The following TTC17 variants were observed in gnomAD, a reference collection of about 807,000 sequenced individuals.
The protein encoded by TTC17 is tetratricopeptide repeat protein 17.
A neutral mutation model predicts 143.8 loss-of-function variants in TTC17; 58 were observed. The ratio of observed to expected loss-of-function variants is 0.40; its 90% confidence interval spans 0.33 to 0.50. TTC17 has a LOEUF of 0.50. Ranked by LOEUF, TTC17 falls within the 20% of genes least tolerant of loss-of-function variation. The pLI is 0.49. For synonymous variants in TTC17, 501 were observed against 497.8 expected (o/e 1.01, Z -0.09); for missense variants, 1,273 against 1,392.5 (o/e 0.91, Z 1.37).
At chr11:43,392,608 A>C (rs941057150) in intron 5 of TTC17, among the ~76,000 whole-genome samples, 1 of 152,194 alleles carries the variant, frequency 6.6e-6, no homozygotes, top group Admixed American at 6.5e-5. Context: ...TATTGAGAGG[A>C]ATTTTCAGAT....
In TTC17 at chr11:43,450,131, G is replaced by GAGC. The variant is rs1947628933; in HGVS notation, c.2837_2839dup (p.Glu946_Pro947insGln). ...CACCCCTATACAGCAGCCAGCAATG[G>GAGC]AGCCTCTTTGCAATGGCAATCTCCC... On this transcript the variant is annotated inframe_insertion, in exon 20 of 24. Coordinates refer to ENST00000039989, the MANE Select transcript of TTC17 (RefSeq NM_018259.6). 6.2e-7 allele frequency: 1 copy of GAGC among 1,614,000 alleles called. No homozygotes were observed. The highest frequency in any genetic ancestry group is 1.3e-5 in the African/African-American group (1 of 74,908).
chr11:43,391,435 T>C, intron 3 of TTC17, 30 bp from the exon 4 acceptor site: 1 of 1,310,936 alleles, frequency 7.6e-7, no homozygotes, highest in South Asian at 1.2e-5. Context: ...TCTCACCTTT[T>C]ATTCATTCAT....
chr11:43,469,571 A>G (rs1458256332), intron 21 of TTC17, among the ~76,000 whole-genome samples: 1 of 152,240 alleles, frequency 6.6e-6, no homozygotes, highest in African/African-American at 2.4e-5. Context: ...TCTCAATATT[A>G]TTCTCACAAA....
chr11:43,478,950 G>A (rs1002883244), intron 21 of TTC17, among the ~76,000 whole-genome samples: 4 of 152,180 alleles, frequency 2.6e-5, no homozygotes, highest in African/African-American at 7.2e-5. Flanking sequence ...TTTTAAAAGA[G>A]TAGTTCCAGG....
intron 15 of TTC17, among the ~76,000 whole-genome samples, chr11:43,408,424 T>A (rs1322712505): frequency 1.3e-5 from 2 of 152,200 alleles, no homozygotes; most frequent in Non-Finnish European, 2.9e-5. Context: ...ACAGGTCACA[T>A]TGCCAGAGAA....
At chr11:43,379,376 G>C (rs1856878256) in intron 2 of TTC17, 54 bp downstream of exon 2, 2 of 1,490,298 alleles carry the variant, frequency 1.3e-6, no homozygotes, top group Non-Finnish European at 1.8e-6. Context: ...TTTCACAGGA[G>C]CCATTGTGTT....
chr11:43,361,644 A>T (rs1217828923), intron 1 of TTC17, among the ~76,000 whole-genome samples: 9 of 152,262 alleles, frequency 5.9e-5, no homozygotes. Context: ...CTTTTGCAGC[A>T]TTGTAAAGTC....
At position 43,407,501 on chromosome 11, in the gene TTC17, A is replaced by G. The variant is rs995104436; in HGVS notation, c.1988A>G (p.Asn663Ser). The G allele has an allele frequency of 3.7e-6, 6 of 1,613,952 alleles. No homozygotes were observed. Among genetic ancestry groups the G allele is most frequent in the Non-Finnish European group, 5.1e-6 (6 of 1,179,958 alleles). The change falls in exon 15 of 24, where the codon AAC (asparagine) becomes AGC (serine). Residue 663 changes from asparagine (N) to serine (S), a missense_variant. Physicochemically the swap from Asn to Ser is conservative, Grantham distance 46. This residue lies in a region of TTC17 where 878 missense variants were observed against 899.8 expected (regional missense o/e 0.98). Transcript: ENST00000039989. Reference protein sequence around the residue: ...YQDVPLVNLANLLIHYGLHLD... With the variant: ...YQDVPLVNLASLLIHYGLHLD... ...GATGTTCCTCTTGTCAACTTGGCCA[A>G]CCTTTTGATTCATTACGGCCTTCAT...
At chr11:43,491,618 TATA>T (rs1286643836) in intron 22 of TTC17, 1 of 158,392 alleles carries the variant, frequency 6.3e-6, no homozygotes, top group Non-Finnish European at 1.4e-5. Flanking sequence ...CCCGTAATGA[TATA>T]ATGGTTCTTG....
intron 5 of TTC17, chr11:43,396,353 A>G (rs16937478): frequency 0.021 from 3,411 of 158,840 alleles, 73 homozygotes; most frequent in East Asian, 0.11. Flanking sequence ...TGTTAGAGCT[A>G]TTTCTAAGTA....
rs1369420818 is a variant in TTC17, at chr11:43,448,266, C to T, written c.2786+144C>T. Reference sequence around the variant, plus strand: ...CAAAGGATGACCATGCTGACCATGGCCCCCAGGTGGACCCAACCCATTGTA... The same window carrying T: ...CAAAGGATGACCATGCTGACCATGGTCCCCAGGTGGACCCAACCCATTGTA... On this transcript the variant is annotated intron_variant, in intron 19 of 23. Transcript: ENST00000039989. The T allele has an allele frequency of 5.7e-6, 7 of 1,238,414 alleles. No individual in the cohort carries two copies. The Admixed American group carries it at 1.1e-4, about 19-fold the overall frequency. The allele number at this position is 1,238,414 out of a possible 1,614,324, so 76.7% of individuals were successfully genotyped here.
intron 21 of TTC17, among the ~76,000 whole-genome samples, chr11:43,470,723 T>G (rs1283457819): frequency 6.6e-6 from 1 of 152,216 alleles, no homozygotes; most frequent in Non-Finnish European, 1.5e-5. Flanking sequence ...GAGGCCTTGT[T>G]AAAACACAAA....
intron 21 of TTC17, among the ~76,000 whole-genome samples, chr11:43,456,981 T>TA (rs1057073705): frequency 5.9e-5 from 9 of 152,148 alleles, no homozygotes; most frequent in Admixed American, 4.6e-4. Flanking sequence ...GCCATAAGCA[T>TA]ATGGCTTTTT....
Position 43,462,921 on chromosome 11 carries a change from C to CTTTTTTTTTTTTTTTTT in TTC17, c.3030+11668_3030+11669insTTTTTTTTTTTTTTTTT, listed in dbSNP as rs562594929. Among the ~76,000 whole-genome samples the CTTTTTTTTTTTTTTTTT allele has an allele frequency of 1.1e-4, 13 of 117,706 alleles. 2 individuals carry two copies. Among genetic ancestry groups the CTTTTTTTTTTTTTTTTT allele is most frequent in the African/African-American group, 2.8e-4 (7 of 24,704 alleles). 77.2% of individuals were successfully genotyped at this position (117,706 alleles called of 152,430 possible). On this transcript the variant is annotated intron_variant, in intron 21 of 23. Coordinates refer to ENST00000039989, the MANE Select transcript of TTC17 (RefSeq NM_018259.6). ...CACTGAATCCAGCAGTGACAAAATT[C>CTTTTTTTTTTTTTTTTT]TTTTTTTTTTTTGAGACAGAGTCTC...
chr11:43,420,082 C>G (rs1946866825), intron 16 of TTC17, among the ~76,000 whole-genome samples: 1 of 152,124 alleles, frequency 6.6e-6, no homozygotes, highest in South Asian at 2.1e-4. Flanking sequence ...TAACATGTAT[C>G]TTTAACATGT....
intron 16 of TTC17, among the ~76,000 whole-genome samples, chr11:43,428,061 G>A (rs977251217): frequency 6.6e-6 from 1 of 152,208 alleles, no homozygotes; most frequent in African/African-American, 2.4e-5. Context: ...GTAAGAGGGG[G>A]AAGAAAAATG....
chr11:43,428,437 G>A (rs1344271669), intron 16 of TTC17, among the ~76,000 whole-genome samples: 2 of 152,100 alleles, frequency 1.3e-5, no homozygotes, highest in Non-Finnish European at 2.9e-5. Context: ...CTTTCTAGAA[G>A]CATTTATAAC....
At chr11:43,456,178 TAA>T (rs1491138768) in intron 21 of TTC17, among the ~76,000 whole-genome samples, 2 of 120,422 alleles carry the variant, frequency 1.7e-5, no homozygotes, top group East Asian at 4.7e-4. Flanking sequence ...CTTAGCACAA[TAA>T]CACACACACA....
chr11:43,363,491 C>A (rs749050376), intron 1 of TTC17, among the ~76,000 whole-genome samples: 5 of 152,202 alleles, frequency 3.3e-5, no homozygotes, highest in Non-Finnish European at 5.9e-5. Flanking sequence ...GTACTGAGTT[C>A]TCTGCCTCTG....
Sources: allele counts gnomAD v4.1 joint callset (sites outside exome capture counted in the v4.1 genomes callset), GRCh38; gene constraint gnomAD v4.1.1; regional missense constraint gnomAD v4.1.1; transcripts MANE v1.5; gene names NCBI Gene and HGNC (gene_info 2026-07-23, HGNC 2026-07-21).